Variants in SPMAP2L observed in about 807,000 individuals in gnomAD.
SPMAP2L encodes sperm microtubule associated protein 2 like.
the SPMAP2L span, among the ~76,000 whole-genome samples, chr4:56,551,135 C>T: frequency 6.6e-6 from 1 of 152,170 alleles, no homozygotes; most frequent in Non-Finnish European, 1.5e-5. Context: ...TCCTACCTGA[C>T]ATCAGGGCTA....
the SPMAP2L span, among the ~76,000 whole-genome samples, chr4:56,581,474 G>T: frequency 6.6e-6 from 1 of 151,680 alleles, no homozygotes; most frequent in Non-Finnish European, 1.5e-5. Context: ...AAAAAAATTA[G>T]CTGGGCATGG....
chr4:56,530,934 C>G, the SPMAP2L span: 14 of 1,535,108 alleles, frequency 9.1e-6, no homozygotes, highest in East Asian at 3.2e-4. Flanking sequence ...ATGAGCCCCA[C>G]GCTCCCTATG....
At chr4:56,548,955 C>A in the SPMAP2L span, 15 of 426,642 alleles carry the variant, frequency 3.5e-5, no homozygotes, top group Non-Finnish European at 5.5e-5. Flanking sequence ...TTCCCTTTGT[C>A]ATAAGGTCCT....
the SPMAP2L span, among the ~76,000 whole-genome samples, chr4:56,602,952 G>C: frequency 6.6e-6 from 1 of 152,124 alleles, no homozygotes; most frequent in Non-Finnish European, 1.5e-5. Flanking sequence ...TCAAGACTAA[G>C]CAACTTCCTG....
At chr4:56,624,645 G>A in the SPMAP2L span, among the ~76,000 whole-genome samples, 13 of 152,330 alleles carry the variant, frequency 8.5e-5, no homozygotes, top group African/African-American at 2.2e-4. Flanking sequence ...CACAGAGCTC[G>A]AGCTGTGGCT....
At chr4:56,623,222 T>C in the SPMAP2L span, among the ~76,000 whole-genome samples, 1 of 152,206 alleles carries the variant, frequency 6.6e-6, no homozygotes, top group Non-Finnish European at 1.5e-5. Flanking sequence ...TGATCCTTTC[T>C]GCTCCTAGAA....
the SPMAP2L span, among the ~76,000 whole-genome samples, chr4:56,611,554 C>T: frequency 6.6e-6 from 1 of 152,140 alleles, no homozygotes; most frequent in African/African-American, 2.4e-5. Flanking sequence ...CAAATACCAC[C>T]TGTTCCCCAA....
At chr4:56,548,375 A>T in the SPMAP2L span, among the ~76,000 whole-genome samples, 2 of 151,990 alleles carry the variant, frequency 1.3e-5, no homozygotes, top group African/African-American at 4.8e-5. Flanking sequence ...TTTTCTTATA[A>T]TCTGTACATT....
chr4:56,593,279 A>C, the SPMAP2L span: 1 of 1,189,582 alleles, frequency 8.4e-7, no homozygotes, highest in Non-Finnish European at 1.3e-6. Context: ...GAGGCGCTGC[A>C]GCTGTGCTAC....
chr4:56,617,521 C>T, the SPMAP2L span, among the ~76,000 whole-genome samples: 1 of 152,246 alleles, frequency 6.6e-6, no homozygotes, highest in East Asian at 1.9e-4. Context: ...CAGTGCCCCA[C>T]TGCTCAAACC....
the SPMAP2L span, among the ~76,000 whole-genome samples, chr4:56,550,797 C>T: frequency 6.6e-6 from 1 of 152,042 alleles, no homozygotes; most frequent in East Asian, 1.9e-4. Context: ...TTAAAAAGTT[C>T]GTTTTTATGC....
chr4:56,532,872 A>C, the SPMAP2L span, among the ~76,000 whole-genome samples: 1 of 152,220 alleles, frequency 6.6e-6, no homozygotes, highest in Non-Finnish European at 1.5e-5. Context: ...TATCAAAGCC[A>C]TTGTTAACTG....
chr4:56,567,996 C>T, the SPMAP2L span, among the ~76,000 whole-genome samples: 3,839 of 152,170 alleles, frequency 0.025, 158 homozygotes, highest in African/African-American at 0.078. Flanking sequence ...AGTTTTCCCA[C>T]AGCACATTGA....
chr4:56,595,647 C>T, the SPMAP2L span: 1 of 1,219,992 alleles, frequency 8.2e-7, no homozygotes. Context: ...TGGAGATCAG[C>T]ACCTGGTTTG....
chr4:56,589,683 G>T, the SPMAP2L span, among the ~76,000 whole-genome samples: 2,968 of 150,190 alleles, frequency 0.02, 74 homozygotes, highest in African/African-American at 0.055. Flanking sequence ...GGTTTTTTTT[G>T]TTGTTGTTGT....
the SPMAP2L span, among the ~76,000 whole-genome samples, chr4:56,538,453 C>G: frequency 1.0e-3 from 154 of 152,278 alleles, no homozygotes; most frequent in Admixed American, 4.8e-3. Flanking sequence ...CCTAAAGCAG[C>G]CTTCCTGAAG....
chr4:56,613,479 G>T, the SPMAP2L span, among the ~76,000 whole-genome samples: 1 of 152,172 alleles, frequency 6.6e-6, no homozygotes, highest in Non-Finnish European at 1.5e-5. Flanking sequence ...ACATAATGGT[G>T]GTGGGTGGGC....
chr4:56,594,883 C>T, the SPMAP2L span: 21 of 1,610,862 alleles, frequency 1.3e-5, no homozygotes, highest in African/African-American at 2.5e-4. Flanking sequence ...GCCCTGGAGA[C>T]TTTGGGTCTG....
At chr4:56,616,996 T>C in the SPMAP2L span, among the ~76,000 whole-genome samples, 1 of 152,182 alleles carries the variant, frequency 6.6e-6, no homozygotes, top group Non-Finnish European at 1.5e-5. Flanking sequence ...CCACAGGGGA[T>C]ACCTTCCAAG....
Sources: gnomAD v4.1 joint callset for allele counts (sites outside exome capture counted in the v4.1 genomes callset) on GRCh38, gnomAD v4.1.1 for gene constraint, MANE v1.5 for transcripts, NCBI Gene and HGNC (gene_info 2026-07-23, HGNC 2026-07-21) for gene names.